The following ABLIM3 variants were observed in gnomAD, a reference collection of about 807,000 sequenced individuals.
The protein encoded by ABLIM3 is actin-binding LIM protein 3.
A neutral mutation model predicts 109.5 loss-of-function variants in ABLIM3; 61 were observed. The observed-to-expected ratio is 0.56, with a 90% CI of 0.45 to 0.69. ABLIM3 has a LOEUF of 0.69. Among genes scored for constraint, ABLIM3 ranks in the 30% least tolerant of loss-of-function variants. ABLIM3 has a pLI of 0.00. For missense variants in ABLIM3, 796 were observed against 889.5 expected (o/e 0.89, Z 1.34); for synonymous variants, 300 against 324.8 (o/e 0.92, Z 0.82).
intron 2 of ABLIM3, among the ~76,000 whole-genome samples, chr5:149,162,964 A>G (rs530871553): frequency 6.6e-6 from 1 of 152,326 alleles, no homozygotes. Flanking sequence ...AGGGAGCAGG[A>G]TGCATTGGAA....
At chr5:149,250,612 G>A in intron 20 of ABLIM3, 107 bp downstream of exon 20, 1 of 1,337,616 alleles carries the variant, frequency 7.5e-7, no homozygotes, top group Non-Finnish European at 1.1e-6. Context: ...CCTGGGGCTA[G>A]TGGTGGGTTA....
At chr5:149,174,076 G>A (rs970559647) in intron 2 of ABLIM3, among the ~76,000 whole-genome samples, 6 of 144,624 alleles carry the variant, frequency 4.1e-5, no homozygotes, top group Admixed American at 1.4e-4. Context: ...CTGCAAGGAT[G>A]TAAAAACAAA....
At chr5:149,230,960 G>A (rs1761795711) in intron 9 of ABLIM3, among the ~76,000 whole-genome samples, 1 of 152,208 alleles carries the variant, frequency 6.6e-6, no homozygotes, top group South Asian at 2.1e-4. Flanking sequence ...TTTCTGGGGT[G>A]AGGCTGTAAC....
chr5:149,255,101 AT>A (rs1236119577), intron 23 of ABLIM3, among the ~76,000 whole-genome samples: 1 of 152,236 alleles, frequency 6.6e-6, no homozygotes, highest in Non-Finnish European at 1.5e-5. Flanking sequence ...AGAGGAGAAA[AT>A]AAAGGTTCAG....
rs114246513 is a variant in ABLIM3, at chr5:149,196,637, T to C, written c.152-1582T>C. ...AGGGGAGCTGGTGACAGGATTTGAA[T>C]GGGCACCGCAGTTGCCTTCCTCTGA... On this transcript the variant is annotated intron_variant, in intron 3 of 23. Coordinates refer to ENST00000309868, the MANE Select transcript of ABLIM3 (RefSeq NM_014945.5). Among the ~76,000 whole-genome samples, 1,078 of 152,354 alleles carry C rather than the reference T, an allele frequency of 7.1e-3. 14 individuals carry two copies. Among genetic ancestry groups the C allele is most frequent in the African/African-American group, 0.024 (1,017 of 41,584 alleles).
intron 13 of ABLIM3, chr5:149,240,436 T>A: frequency 1.7e-6 from 1 of 571,840 alleles, no homozygotes; most frequent in Non-Finnish European, 3.1e-6. Flanking sequence ...AGTTGATCTT[T>A]ACATCTCACA....
chr5:149,223,043 A>G (rs182224268), intron 8 of ABLIM3, among the ~76,000 whole-genome samples: 8 of 152,242 alleles, frequency 5.3e-5, no homozygotes, highest in African/African-American at 1.9e-4. Flanking sequence ...ACTGTACTAA[A>G]TTGATACTTC....
Position 149,244,927 on chromosome 5 carries a change from C to T in ABLIM3, c.1398C>T (p.Ser466=). 6.2e-7 allele frequency: 1 copy of T among 1,614,160 alleles called. No homozygotes were observed. The highest frequency in any genetic ancestry group is 1.1e-5 in the South Asian group (1 of 91,082). ...ATKSKTSEDI[S]QTSKYSPIYS... is the part of the protein sequence containing the mutation. Reference sequence around the variant, plus strand: ...AGAGCAAAACAAGTGAAGACATCAGCCAGACCTCCAAGTACAGTCCCATCT... The same window carrying T: ...AGAGCAAAACAAGTGAAGACATCAGTCAGACCTCCAAGTACAGTCCCATCT... The change falls in exon 16 of 24, where the codon AGC becomes AGT. Residue 466 remains serine, a synonymous_variant. Coordinates refer to ENST00000309868, the MANE Select transcript of ABLIM3 (RefSeq NM_014945.5).
intron 8 of ABLIM3, chr5:149,220,920 G>C (rs1231092694): frequency 6.6e-6 from 1 of 152,224 alleles, no homozygotes; most frequent in Non-Finnish European, 1.5e-5. Flanking sequence ...CATGCTTGCT[G>C]TCCTGGTGGA....
rs79978262 is a variant in ABLIM3, at chr5:149,189,829, G to A, written c.151+6240G>A. Among the ~76,000 whole-genome samples the A allele has an allele frequency of 9.5e-3, 1,449 of 152,246 alleles. 13 individuals are homozygous for A. The highest frequency in any genetic ancestry group is 0.013 in the Non-Finnish European group (891 of 68,010). ...CTCAAAAGATGAAATTAGAGTTACC[G>A]TATGACCCAGCAATTCCAAATTCCA... On this transcript the variant is annotated intron_variant, in intron 3 of 23. Transcript: ENST00000309868.
At chr5:149,167,367 G>A (rs1754924120) in intron 2 of ABLIM3, among the ~76,000 whole-genome samples, 2 of 152,106 alleles carry the variant, frequency 1.3e-5, no homozygotes, top group African/African-American at 4.8e-5. Context: ...ATTTATAGAT[G>A]TAACCCATCT....
chr5:149,189,052 CTT>C (rs1470084895), intron 3 of ABLIM3, among the ~76,000 whole-genome samples: 19 of 152,214 alleles, frequency 1.2e-4, no homozygotes, highest in Admixed American at 4.6e-4. Flanking sequence ...TAAACATAAA[CTT>C]ATATTTATGG....
rs1752941509 is a variant in ABLIM3, at chr5:149,242,401, A to C, written c.1304-90A>C. Reference sequence around the variant, plus strand: ...TTGTTGCCCATCTCTCTCTTCTGAGATCAACTGACCAAGTACTATCTCCTT... The same window carrying C: ...TTGTTGCCCATCTCTCTCTTCTGAGCTCAACTGACCAAGTACTATCTCCTT... On this transcript the variant is annotated intron_variant, in intron 14 of 23. Transcript: ENST00000309868. The C allele has an allele frequency of 3.7e-6, 5 of 1,346,056 alleles. No individual in the cohort carries two copies. The South Asian group carries it at 4.7e-5, about 13-fold the overall frequency. 83.4% of individuals were successfully genotyped at this position (1,346,056 alleles called of 1,614,324 possible).
chr5:149,227,186 A>G (rs1367729183), intron 8 of ABLIM3, among the ~76,000 whole-genome samples: 1 of 152,048 alleles, frequency 6.6e-6, no homozygotes, highest in Non-Finnish European at 1.5e-5. Context: ...GGAGTGTGCT[A>G]TAACCAATCA....
intron 13 of ABLIM3, 103 bp from the exon 14 acceptor site, chr5:149,240,573 T>C: frequency 1.1e-6 from 1 of 891,310 alleles, no homozygotes; most frequent in Admixed American, 1.7e-5. Context: ...CCATCCCCCA[T>C]CTCTGCTGTC....
intron 6 of ABLIM3, among the ~76,000 whole-genome samples, chr5:149,210,496 A>G (rs953721804): frequency 2.0e-5 from 3 of 152,238 alleles, no homozygotes; most frequent in African/African-American, 7.2e-5. Flanking sequence ...AGTGATAAAC[A>G]TTGGGTAAAA....
At chr5:149,143,787 A>G (rs866729458) in intron 2 of ABLIM3, among the ~76,000 whole-genome samples, 3 of 152,146 alleles carry the variant, frequency 2.0e-5, no homozygotes, top group Non-Finnish European at 4.4e-5. Context: ...TGTAGCCTCT[A>G]TCAGCTAGTG....
intron 2 of ABLIM3, among the ~76,000 whole-genome samples, chr5:149,171,209 C>T (rs1294699685): frequency 6.6e-6 from 1 of 152,176 alleles, no homozygotes; most frequent in East Asian, 1.9e-4. Context: ...CTCCCCTACC[C>T]TAGCCTGGAA....
At chr5:149,215,533 A>G (rs73795935) in intron 7 of ABLIM3, among the ~76,000 whole-genome samples, 54 of 138,842 alleles carry the variant, frequency 3.9e-4, no homozygotes, top group South Asian at 1.5e-3. Flanking sequence ...AAAAAAAAAA[A>G]GAAAAAAAAA....
Sources: gnomAD v4.1 joint callset for allele counts (sites outside exome capture counted in the v4.1 genomes callset) on GRCh38, gnomAD v4.1.1 for gene constraint, MANE v1.5 for transcripts, NCBI Gene and HGNC (gene_info 2026-07-23, HGNC 2026-07-21) for gene names.